Variants in VSTM2A observed in about 807,000 individuals in gnomAD.
VSTM2A encodes V-set and transmembrane domain containing 2A.
A neutral mutation model predicts 27.3 loss-of-function variants in VSTM2A; 13 were observed. That is an observed-to-expected ratio of 0.48 (90% confidence interval 0.31 to 0.76). The LOEUF (loss-of-function observed/expected upper bound fraction) is 0.76, where lower values mean the gene tolerates loss of function less well. Among genes scored for constraint, VSTM2A ranks in the 30% least tolerant of loss-of-function variants. The pLI is 0.05. For synonymous variants in VSTM2A, 142 were observed against 125.7 expected (o/e 1.13, Z -0.87); for missense variants, 280 against 310.0 (o/e 0.90, Z 0.73).
At chr7:54,559,682 G>T (rs1311708558) in intron 4 of VSTM2A, 1 of 152,032 alleles carries the variant, frequency 6.6e-6, no homozygotes, top group Non-Finnish European at 1.5e-5. Flanking sequence ...GTCATGAATT[G>T]CAATACTTAC....
intron 2 of VSTM2A, 68 bp from the exon 3 acceptor site, chr7:54,546,879 A>G (rs1788011381): frequency 1.9e-6 from 3 of 1,562,664 alleles, no homozygotes; most frequent in African/African-American, 1.4e-5. Flanking sequence ...CGCGAAGGCT[A>G]TGCTCGCGTG....
At chr7:54,566,795 G>A (rs2115943682) in intron 4 of VSTM2A, among the ~76,000 whole-genome samples, 1 of 152,336 alleles carries the variant, frequency 6.6e-6, no homozygotes, top group Admixed American at 6.5e-5. Context: ...TCAGAACTCA[G>A]CGGTCCTGAC....
chr7:54,562,220 C>G (rs1788583909), intron 4 of VSTM2A, among the ~76,000 whole-genome samples: 1 of 152,096 alleles, frequency 6.6e-6, no homozygotes, highest in African/African-American at 2.4e-5. Context: ...CCGCTCCCAG[C>G]CTTTAGTTTT....
Position 54,544,741 on chromosome 7 carries a change from C to A in VSTM2A, c.199C>A (p.Arg67=). 6.2e-7 allele frequency: 1 copy of A among 1,612,342 alleles called. No individual in the cohort carries two copies. Among genetic ancestry groups the A allele is most frequent in the Non-Finnish European group, 8.5e-7 (1 of 1,179,742 alleles). ...VYLEIQWWFL[R]GPEDLDPGAE... is the part of the protein sequence containing the mutation. ...TCTGGAGATCCAATGGTGGTTCCTG[C>A]GGGGGCCGGAGGACCTGGATCCCGG... Residue 67 remains arginine, a synonymous_variant, in exon 2 of 5, where the codon CGG becomes AGG. Coordinates refer to ENST00000402613, the MANE Select transcript of VSTM2A (RefSeq NM_001301009.2).
chr7:54,545,090 C>T (rs1298053081), intron 2 of VSTM2A, among the ~76,000 whole-genome samples: 3 of 152,244 alleles, frequency 2.0e-5, no homozygotes, highest in East Asian at 1.9e-4. Flanking sequence ...TGCCACATCC[C>T]GGGACATCCG....
At chr7:54,568,422 A>C in intron 4 of VSTM2A, among the ~76,000 whole-genome samples, 1 of 152,238 alleles carries the variant, frequency 6.6e-6, no homozygotes, top group East Asian at 1.9e-4. Context: ...TGAATAAAAT[A>C]TATGAAGAAA....
chr7:54,557,722 A>G (rs1788416951), intron 4 of VSTM2A: 2 of 152,230 alleles, frequency 1.3e-5, no homozygotes, highest in Admixed American at 6.5e-5. Context: ...GAAGATTGAC[A>G]CTTAATAATC....
intron 2 of VSTM2A, 199 bp from the exon 3 acceptor site, chr7:54,546,748 G>T (rs1349476835): frequency 1.2e-5 from 7 of 562,078 alleles, no homozygotes; most frequent in Admixed American, 3.8e-5. Context: ...GGGTATGCCA[G>T]GGACAGCGTG....
chr7:54,550,417 GT>G, intron 4 of VSTM2A: 2 of 1,054,406 alleles, frequency 1.9e-6, no homozygotes, highest in Non-Finnish European at 2.6e-6. Context: ...CTGGACTCTG[GT>G]TTTTATCCTT....
At chr7:54,562,679 G>A (rs983884959) in intron 4 of VSTM2A, among the ~76,000 whole-genome samples, 2 of 152,182 alleles carry the variant, frequency 1.3e-5, no homozygotes, top group African/African-American at 4.8e-5. Context: ...GGCTCTGGGT[G>A]CATGATCGCT....
Position 54,542,461 on chromosome 7 carries a change from C to T in VSTM2A, c.-270C>T, listed in dbSNP as rs1322166060. The T allele has an allele frequency of 2.1e-6, 1 of 485,146 alleles. No individual in the cohort carries two copies. Among genetic ancestry groups the T allele is most frequent in the Admixed American group, 4.0e-5 (1 of 25,300 alleles). The allele number at this position is 485,146 out of a possible 1,614,324, so 30.1% of individuals were successfully genotyped here. On this transcript the variant is annotated 5_prime_UTR_variant, in exon 1 of 5. Coordinates refer to ENST00000402613, the MANE Select transcript of VSTM2A (RefSeq NM_001301009.2). ...TGACGTTGGACGAGCTGCCAGGTAG[C>T]TGAAAGCAGGCAGCCAGGCAGCCGA... is the stretch of plus-strand genomic sequence containing the variant.
At chr7:54,563,515 C>G (rs1457470847) in intron 4 of VSTM2A, among the ~76,000 whole-genome samples, 1 of 152,100 alleles carries the variant, frequency 6.6e-6, no homozygotes, top group South Asian at 2.1e-4. Flanking sequence ...TGTGCAGTGT[C>G]CCCAGCAGGA....
chr7:54,569,379 T>G lies in VSTM2A; in HGVS notation c.*160T>G, dbSNP rs984689142. 3.0e-6 allele frequency: 4 copies of G among 1,320,254 alleles called. No individual in the cohort carries two copies. Among genetic ancestry groups the G allele is most frequent in the Non-Finnish European group, 4.0e-6 (4 of 991,630 alleles). 81.8% of individuals were successfully genotyped at this position (1,320,254 alleles called of 1,614,324 possible). ...CTAATAGCAAGATCTATTTTTTCCC[T>G]TTTCTTTCGGCGACTAAAATCATCT... On this transcript the variant is annotated 3_prime_UTR_variant, in exon 5 of 5. Transcript: ENST00000402613.
At chr7:54,546,671 GGGACAGCGCC>G (rs1787998399) in intron 2 of VSTM2A, 1 of 244,300 alleles carries the variant, frequency 4.1e-6, no homozygotes, top group South Asian at 1.0e-4. Context: ...CCGCGCGGCA[GGGACAGCGCC>G]GGGACAGCGC....
At chr7:54,563,846 T>C (rs1420153577) in intron 4 of VSTM2A, among the ~76,000 whole-genome samples, 1 of 152,232 alleles carries the variant, frequency 6.6e-6, no homozygotes, top group African/African-American at 2.4e-5. Flanking sequence ...GTGAAGCACA[T>C]TTCTTTTAAA....
chr7:54,547,328 TTTTAGTAGA>T (rs1190743802), intron 3 of VSTM2A, among the ~76,000 whole-genome samples: 1 of 152,178 alleles, frequency 6.6e-6, no homozygotes. Flanking sequence ...AACAATTATA[TTTTAGTAGA>T]AAGTAAAACA....
chr7:54,555,819 A>T (rs141658059), intron 4 of VSTM2A, among the ~76,000 whole-genome samples: 57 of 152,268 alleles, frequency 3.7e-4, no homozygotes, highest in African/African-American at 1.3e-3. Flanking sequence ...TAATTTTACC[A>T]CTACTCTAGA....
At chr7:54,554,064 G>T in intron 4 of VSTM2A, 1 of 1,551,966 alleles carries the variant, frequency 6.4e-7, no homozygotes, top group Non-Finnish European at 8.7e-7. Flanking sequence ...CTGCGTGCTG[G>T]CTCCTCCAGG....
intron 4 of VSTM2A, among the ~76,000 whole-genome samples, chr7:54,561,262 T>G (rs1788553467): frequency 6.6e-6 from 1 of 152,194 alleles, no homozygotes; most frequent in Admixed American, 6.5e-5. Flanking sequence ...TAGCATGTAC[T>G]TAGAGTTAAA....
Sources: gnomAD v4.1 joint callset for allele counts (sites outside exome capture counted in the v4.1 genomes callset) on GRCh38, gnomAD v4.1.1 for gene constraint, MANE v1.5 for transcripts, NCBI Gene and HGNC (gene_info 2026-07-23, HGNC 2026-07-21) for gene names.